RUNX1T1: variants seen among roughly 807,000 people sequenced by gnomAD.
RUNX1T1 encodes protein CBFA2T1.
RUNX1T1 carries 4 observed loss-of-function variants against 62.8 expected under a neutral mutation model. The ratio of observed to expected loss-of-function variants is 0.06; its 90% CI spans 0.03 to 0.15. The LOEUF (loss-of-function observed/expected upper bound fraction) is 0.15. Ranked by LOEUF, RUNX1T1 falls within the 10% of genes least tolerant of loss-of-function variation. The probability of loss-of-function intolerance (pLI) is 1.00; values close to 1 mark genes in which losing one functional copy is unlikely to be tolerated. For synonymous variants in RUNX1T1, 291 were observed against 286.0 expected (o/e 1.02, Z -0.18); for missense variants, 508 against 754.3 (o/e 0.67, Z 3.82).
intron 4 of RUNX1T1, 92 bp downstream of exon 5, chr8:92,010,908 CAA>C (rs1821796596): frequency 1.5e-6 from 1 of 677,690 alleles, no homozygotes; most frequent in Non-Finnish European, 2.7e-6. Flanking sequence ...TAAATTAAAT[CAA>C]AGAGCCCCTA....
chr8:91,975,668 C>A (rs1011044726), intron 9 of RUNX1T1, among the ~76,000 whole-genome samples: 10 of 152,056 alleles, frequency 6.6e-5, no homozygotes, highest in African/African-American at 2.2e-4. Context: ...TTGCCAGCTT[C>A]TCAATTATAG....
intron 1 of RUNX1T1, among the ~76,000 whole-genome samples, chr8:92,026,059 T>C (rs577137153): frequency 6.6e-6 from 1 of 152,356 alleles, no homozygotes; most frequent in South Asian, 2.1e-4. Flanking sequence ...GAAAAGCATA[T>C]TGTGAACCAA....
At chr8:92,101,550 A>G (rs1838035499), upstream of RUNX1T1, among the ~76,000 whole-genome samples, 1 of 152,114 alleles carries the variant, frequency 6.6e-6, no homozygotes, top group Non-Finnish European at 1.5e-5. Context: ...CCCAGTCTTC[A>G]AGGGTTTCTC....
At chr8:91,972,164 A>G (rs1483630454) in intron 9 of RUNX1T1, among the ~76,000 whole-genome samples, 1 of 152,138 alleles carries the variant, frequency 6.6e-6, no homozygotes, top group Non-Finnish European at 1.5e-5. Flanking sequence ...AAAATGTTTT[A>G]CTGTAGATTA....
intron 2 of RUNX1T1, among the ~76,000 whole-genome samples, chr8:92,072,276 A>C (rs561862465): frequency 6.6e-6 from 1 of 152,188 alleles, no homozygotes; most frequent in South Asian, 2.1e-4. Context: ...TTAAATTTTG[A>C]TAGTGGTAAT....
chr8:92,026,377 A>C (rs1178433056), intron 1 of RUNX1T1, among the ~76,000 whole-genome samples: 2 of 152,334 alleles, frequency 1.3e-5, no homozygotes, highest in East Asian at 3.9e-4. Context: ...GGGATTGAAA[A>C]ATTTGCCCAA....
chr8:92,103,380 C>G (rs1808476311), upstream of RUNX1T1: 1 of 170,694 alleles, frequency 5.9e-6, no homozygotes, highest in African/African-American at 2.4e-5. Flanking sequence ...CGAGAGCGCC[C>G]GCATCAGGCC....
chr8:92,073,056 C>T (rs1833918604), intron 2 of RUNX1T1, among the ~76,000 whole-genome samples: 2 of 152,282 alleles, frequency 1.3e-5, no homozygotes, highest in South Asian at 2.1e-4. Context: ...AAGCTGCTTC[C>T]TCTTACATCT....
upstream of RUNX1T1, chr8:92,102,766 A>C: frequency 7.7e-7 from 1 of 1,305,646 alleles, no homozygotes; most frequent in Non-Finnish European, 1.0e-6. The surrounding 1 kb of genome is among the most constrained non-coding windows in gnomAD (Gnocchi z 4.5). Context: ...AATCCAAACG[A>C]AGATGACGGT....
intron 1 of RUNX1T1, among the ~76,000 whole-genome samples, chr8:92,093,765 C>T (rs1837382821): frequency 6.6e-6 from 1 of 152,286 alleles, no homozygotes; most frequent in South Asian, 2.1e-4. Flanking sequence ...TAGTGACTGA[C>T]CACTCACTGT....
chr8:91,985,551 T>A (rs910370591), intron 8 of RUNX1T1, among the ~76,000 whole-genome samples: 1 of 152,202 alleles, frequency 6.6e-6, no homozygotes, highest in African/African-American at 2.4e-5. Context: ...TACATCTTTA[T>A]CATTAATTTT....
rs113159682 is a variant in RUNX1T1 at position 91,996,481 on chromosome 8, G to A, written c.660-4592C>T. ...CTCCCAAAGTGCTGGGATTACAGGC[G>A]TGAGCCACAGCGCCCGGCTTATTTG... is the stretch of plus-strand genomic sequence containing the variant. On this transcript the variant is annotated intron_variant, in intron 5 of 10. Transcript: ENST00000396218. 8.8e-3 allele frequency among the ~76,000 whole-genome samples: 1,343 copies of A among 152,290 alleles called. 7 individuals are homozygous for A. Among genetic ancestry groups the A allele is most frequent in the Middle Eastern group, 0.017 (5 of 294 alleles).
chr8:91,964,715 C>T (rs2979853), intron 10 of RUNX1T1, among the ~76,000 whole-genome samples: 139,889 of 152,268 alleles, frequency 0.92, 64,453 homozygotes, highest in East Asian at 1. Flanking sequence ...ACTTTGTCAA[C>T]TTCAGATCTT....
chr8:91,998,765 C>T (rs73698211), intron 5 of RUNX1T1, among the ~76,000 whole-genome samples: 394 of 152,244 alleles, frequency 2.6e-3, no homozygotes, highest in African/African-American at 8.9e-3. Flanking sequence ...CTTTCTTATT[C>T]GAATCTGTCA....
At chr8:92,023,161 G>A (rs1490688157) in intron 1 of RUNX1T1, among the ~76,000 whole-genome samples, 1 of 152,174 alleles carries the variant, frequency 6.6e-6, no homozygotes, top group Non-Finnish European at 1.5e-5. Flanking sequence ...CAGGGACCCA[G>A]GGAGCAAATA....
At chr8:92,056,543 G>C (rs1389205279) in intron 1 of RUNX1T1, among the ~76,000 whole-genome samples, 2 of 151,262 alleles carry the variant, frequency 1.3e-5, no homozygotes, top group Non-Finnish European at 2.9e-5. Context: ...GCCTTTAAAA[G>C]CGAAATGTGG....
intron 10 of RUNX1T1, among the ~76,000 whole-genome samples, chr8:91,967,247 A>G (rs1005612684): frequency 6.6e-6 from 1 of 152,192 alleles, no homozygotes; most frequent in African/African-American, 2.4e-5. Context: ...GCAACCTCCG[A>G]TAACTTGGCT....
intron 1 of RUNX1T1, among the ~76,000 whole-genome samples, chr8:92,061,077 A>G (rs1020978329): frequency 1.3e-5 from 2 of 152,216 alleles, no homozygotes; most frequent in East Asian, 3.9e-4. Flanking sequence ...GGTGCTTTGA[A>G]GCTTAGTTTA....
At chr8:92,099,984 A>G (rs560239163), upstream of RUNX1T1, among the ~76,000 whole-genome samples, 9 of 152,292 alleles carry the variant, frequency 5.9e-5, no homozygotes, top group South Asian at 1.7e-3. Flanking sequence ...TAACACCTCA[A>G]TGGGAGAGCA....
Sources: gnomAD v4.1 joint callset for allele counts (sites outside exome capture counted in the v4.1 genomes callset) on GRCh38, gnomAD v4.1.1 for gene constraint, Gnocchi (gnomAD v3.1) non-coding constraint, MANE v1.5 for transcripts, NCBI Gene and HGNC (gene_info 2026-07-23, HGNC 2026-07-21) for gene names.